C8orf89: variants seen among roughly 807,000 people sequenced by gnomAD.
C8orf89 encodes putative uncharacterized protein C8orf89.
A neutral mutation model predicts 15.8 loss-of-function variants in C8orf89; 14 were observed. That is an observed-to-expected ratio of 0.89 (90% CI 0.59 to 1.39). C8orf89 has a LOEUF of 1.39. C8orf89 is among the 40% of genes most tolerant of loss of function. The pLI is 0.00. For missense variants in C8orf89, 181 were observed against 184.5 expected, an observed-to-expected ratio of 0.98 and a Z score of 0.11; for synonymous variants, 55 against 62.2, an observed-to-expected ratio of 0.88 and a Z score of 0.54.
chr8:73,263,635 G>A (rs952617483), upstream of C8orf89, among the ~76,000 whole-genome samples: 9 of 152,158 alleles, frequency 5.9e-5, no homozygotes, highest in African/African-American at 1.4e-4. Context: ...CCACCCATTC[G>A]TTCACTCACT....
chr8:73,243,473 G>A (rs575765142), intron 3 of C8orf89, among the ~76,000 whole-genome samples: 1 of 152,134 alleles, frequency 6.6e-6, no homozygotes, highest in East Asian at 1.9e-4. Flanking sequence ...AACACGACTA[G>A]TTTTTGATAT....
chr8:73,256,556 C>G (rs547399219), intron 2 of C8orf89, among the ~76,000 whole-genome samples: 1 of 151,670 alleles, frequency 6.6e-6, no homozygotes, highest in East Asian at 1.9e-4. Context: ...GGTGAAACTC[C>G]GTCTCTACTA....
Position 73,241,506 on chromosome 8 carries a change from G to A in C8orf89, c.437C>T (p.Thr146Ile). The change falls in exon 4 of 4, where the codon ACA becomes ATA. Residue 146 changes from threonine to isoleucine, a missense_variant. By Grantham distance (89) the Thr-to-Ile change is moderately conservative. Coordinates refer to ENST00000624510, the MANE Select transcript of C8orf89 (RefSeq NM_001243237.3). Reference sequence around the variant, plus strand: ...CTTGCTTTTTTTTGATTTTGTGGTTGTTTCCTGACGAATGGTATCATATTC... The same window carrying A: ...CTTGCTTTTTTTTGATTTTGTGGTTATTTCCTGACGAATGGTATCATATTC... ...ILEYDTIRQETTTKSKKSKKR... is the reference protein window; with the variant it reads ...ILEYDTIRQEITTKSKKSKKR... The A allele has an allele frequency of 6.5e-7, 1 of 1,531,524 alleles. No homozygotes were observed. The highest frequency in any genetic ancestry group is 1.2e-5 in the South Asian group (1 of 83,316). The allele number at this position is 1,531,524 out of a possible 1,614,324, so 94.9% of individuals were successfully genotyped here.
At chr8:73,279,313 G>A in the C8orf89 span, among the ~76,000 whole-genome samples, 3 of 152,152 alleles carry the variant, frequency 2.0e-5, no homozygotes, top group Non-Finnish European at 2.9e-5. Flanking sequence ...GTTTTTCATT[G>A]ATCTTTGCCT....
intron 2 of C8orf89, 109 bp downstream of exon 2, chr8:73,256,864 A>AC: frequency 1.4e-6 from 1 of 713,990 alleles, no homozygotes. Context: ...AAAAAAAAAA[A>AC]AAAACAGGCA....
At chr8:73,275,228 GTTCTTT>G in the C8orf89 span, among the ~76,000 whole-genome samples, 10 of 117,744 alleles carry the variant, frequency 8.5e-5, 1 homozygote, top group African/African-American at 3.1e-4. Flanking sequence ...ACTTGTAATA[GTTCTTT>G]TTTTTTTTTT....
At chr8:73,282,747 G>A in the C8orf89 span, among the ~76,000 whole-genome samples, 5 of 152,304 alleles carry the variant, frequency 3.3e-5, no homozygotes, top group East Asian at 5.8e-4. Context: ...GAAATTACAA[G>A]GCAATCATAA....
chr8:73,243,615 C>T (rs1813057608), intron 3 of C8orf89, among the ~76,000 whole-genome samples: 1 of 152,120 alleles, frequency 6.6e-6, no homozygotes, highest in African/African-American at 2.4e-5. Context: ...CTGCAACCTC[C>T]ACTTCCCGGG....
chr8:73,283,173 A>G, the C8orf89 span, among the ~76,000 whole-genome samples: 1 of 152,246 alleles, frequency 6.6e-6, no homozygotes, highest in Non-Finnish European at 1.5e-5. Flanking sequence ...AAGAAAAGGC[A>G]GAGAAGGAAT....
At chr8:73,272,846 A>G in the C8orf89 span, among the ~76,000 whole-genome samples, 1 of 152,098 alleles carries the variant, frequency 6.6e-6, no homozygotes, top group Non-Finnish European at 1.5e-5. Flanking sequence ...ACCTTGGAGG[A>G]TGGCACTATT....
chr8:73,270,595 A>G, the C8orf89 span, among the ~76,000 whole-genome samples: 3 of 152,194 alleles, frequency 2.0e-5, no homozygotes, highest in African/African-American at 7.2e-5. Context: ...GAAATATTAA[A>G]ATGAAGCTCT....
At chr8:73,276,245 C>T in the C8orf89 span, among the ~76,000 whole-genome samples, 2 of 144,754 alleles carry the variant, frequency 1.4e-5, no homozygotes, top group Non-Finnish European at 3.0e-5. Context: ...GGTGCAATCT[C>T]GGCTCACTGC....
the C8orf89 span, among the ~76,000 whole-genome samples, chr8:73,273,535 C>G: frequency 2.6e-5 from 4 of 152,182 alleles, no homozygotes; most frequent in African/African-American, 9.7e-5. Flanking sequence ...GGGCTGAGGG[C>G]AGCTCAGTTT....
the C8orf89 span, among the ~76,000 whole-genome samples, chr8:73,279,378 G>C: frequency 6.6e-6 from 1 of 152,084 alleles, no homozygotes; most frequent in South Asian, 2.1e-4. Context: ...CTTGGACTAC[G>C]GTCCTGACCA....
chr8:73,242,126 C>T (rs1042413853), intron 3 of C8orf89, among the ~76,000 whole-genome samples: 2 of 151,912 alleles, frequency 1.3e-5, no homozygotes, highest in Non-Finnish European at 2.9e-5. Flanking sequence ...GCAATCAAAG[C>T]AAAAATGGAC....
chr8:73,273,723 T>C, the C8orf89 span, among the ~76,000 whole-genome samples: 2 of 149,778 alleles, frequency 1.3e-5, no homozygotes, highest in Admixed American at 6.6e-5. Context: ...TGAGAACTTG[T>C]GGTGCTTTTT....
the C8orf89 span, among the ~76,000 whole-genome samples, chr8:73,276,446 G>A: frequency 1.8e-4 from 27 of 152,220 alleles, no homozygotes; most frequent in African/African-American, 6.3e-4. Flanking sequence ...CCAAAGTGCT[G>A]AGATTACAGG....
rs867026726 is a variant in C8orf89 at position 73,254,297 on chromosome 8, T to G, written c.281+2676A>C. ...AGGGATGAAGCCCACTTGATCATGGTGGATAAGCTTTTTGATGTGCTGCTG... is the reference window on the plus strand; with the variant it reads ...AGGGATGAAGCCCACTTGATCATGGGGGATAAGCTTTTTGATGTGCTGCTG... On this transcript the variant is annotated intron_variant, in intron 2 of 3. Transcript: ENST00000624510. Among the ~76,000 whole-genome samples the G allele has an allele frequency of 6.6e-5, 10 of 152,114 alleles. No individual in the cohort carries two copies. The South Asian group carries it at 1.2e-3, about 19-fold the overall frequency.
chr8:73,258,271 C>T (rs1374939040), intron 1 of C8orf89, among the ~76,000 whole-genome samples: 1 of 151,988 alleles, frequency 6.6e-6, no homozygotes, highest in Non-Finnish European at 1.5e-5. Context: ...ATCTGCTGCG[C>T]ATGGCAGTGC....
Sources: allele counts gnomAD v4.1 joint callset (sites outside exome capture counted in the v4.1 genomes callset), GRCh38; gene constraint gnomAD v4.1.1; transcripts MANE v1.5; gene names NCBI Gene and HGNC (gene_info 2026-07-23, HGNC 2026-07-21).